The following ZFPM2 variants were observed in gnomAD, a reference collection of about 807,000 sequenced individuals.
ZFPM2 encodes the protein zinc finger protein ZFPM2.
A neutral mutation model predicts 98.6 loss-of-function variants in ZFPM2; 20 were observed. The ratio of observed to expected loss-of-function variants is 0.20; its 90% confidence interval spans 0.14 to 0.29. The LOEUF (loss-of-function observed/expected upper bound fraction) is 0.29. Ranked by LOEUF, ZFPM2 falls within the 10% of genes least tolerant of loss-of-function variation. The pLI is 1.00. For missense variants in ZFPM2, 1,310 were observed against 1,388.6 expected, an observed-to-expected ratio of 0.94 and a Z score of 0.90; for synonymous variants, 518 against 502.7, an observed-to-expected ratio of 1.03 and a Z score of -0.41.
chr8:105,522,976 A>G (rs1371820326), intron 3 of ZFPM2, among the ~76,000 whole-genome samples: 1 of 152,066 alleles, frequency 6.6e-6, no homozygotes, highest in Non-Finnish European at 1.5e-5. Context: ...AGTAAATTTG[A>G]TGAGTGGAAA....
chr8:105,499,695 T>C (rs1813550009), intron 3 of ZFPM2, among the ~76,000 whole-genome samples: 1 of 151,906 alleles, frequency 6.6e-6, no homozygotes, highest in South Asian at 2.1e-4. Flanking sequence ...TTTTTTCAAC[T>C]CCTCACACCC....
At chr8:105,550,970 G>C (rs1179152135) in intron 3 of ZFPM2, among the ~76,000 whole-genome samples, 1 of 152,128 alleles carries the variant, frequency 6.6e-6, no homozygotes, top group Non-Finnish European at 1.5e-5. Context: ...GTTAATCAGA[G>C]ACTCCAGAAT....
intron 1 of ZFPM2, among the ~76,000 whole-genome samples, chr8:105,369,647 G>A (rs1055689880): frequency 1.3e-5 from 2 of 152,150 alleles, no homozygotes; most frequent in African/African-American, 4.8e-5. Flanking sequence ...TGTTCTGTCA[G>A]TATCAATTAT....
At chr8:105,490,342 T>C (rs1813333815) in intron 3 of ZFPM2, among the ~76,000 whole-genome samples, 1 of 152,234 alleles carries the variant, frequency 6.6e-6, no homozygotes, top group African/African-American at 2.4e-5. Context: ...GATGGTGTTA[T>C]CTTTTATAAA....
Position 105,759,580 on chromosome 8 carries a change from TTGTG to T in ZFPM2, c.533-29110_533-29107del, listed in dbSNP as rs5893760. 2.8e-3 allele frequency among the ~76,000 whole-genome samples: 418 copies of T among 146,934 alleles called. 1 individual carries two copies. Among genetic ancestry groups the T allele is most frequent in the African/African-American group, 5.0e-3 (200 of 40,282 alleles). On this transcript the variant is annotated intron_variant, in intron 5 of 7. Coordinates refer to ENST00000407775, the MANE Select transcript of ZFPM2 (RefSeq NM_012082.4). ...TGCATGGACTGTCTCTTGATAATCC[TTGTG>T]TGTGTGTGTGTGTGTGTGTGTGTGT... is the stretch of plus-strand genomic sequence containing the variant.
intron 5 of ZFPM2, among the ~76,000 whole-genome samples, chr8:105,715,602 C>T (rs1457987328): frequency 3.3e-5 from 5 of 151,682 alleles, no homozygotes; most frequent in South Asian, 4.2e-4. Context: ...CATTTTCTTT[C>T]GGCAGAGTCA....
intron 1 of ZFPM2, among the ~76,000 whole-genome samples, chr8:105,388,934 A>C (rs1303701273): frequency 6.6e-6 from 1 of 151,990 alleles, no homozygotes; most frequent in Non-Finnish European, 1.5e-5. Context: ...AGAGGTGTTG[A>C]TGGCCCTATG....
chr8:105,437,702 T>C (rs976677728), intron 2 of ZFPM2, among the ~76,000 whole-genome samples: 2 of 152,180 alleles, frequency 1.3e-5, no homozygotes, highest in Non-Finnish European at 2.9e-5. Flanking sequence ...TACCATAATC[T>C]TTTCCTATGG....
intron 4 of ZFPM2, among the ~76,000 whole-genome samples, chr8:105,597,683 G>C (rs1382074560): frequency 6.6e-6 from 1 of 151,930 alleles, no homozygotes; most frequent in Admixed American, 6.6e-5. Context: ...TCTTAATTTA[G>C]TAATAAAAAG....
intron 1 of ZFPM2, among the ~76,000 whole-genome samples, chr8:105,338,010 T>A (rs1812359683): frequency 6.6e-6 from 1 of 151,766 alleles, no homozygotes; most frequent in Non-Finnish European, 1.5e-5. Flanking sequence ...GGATGACTCA[T>A]GAAATATTTT....
At chr8:105,708,215 TATA>T (rs1811305822) in intron 5 of ZFPM2, among the ~76,000 whole-genome samples, 1 of 152,202 alleles carries the variant, frequency 6.6e-6, no homozygotes, top group Admixed American at 6.5e-5. Flanking sequence ...TCCATATTCT[TATA>T]ATAATTGGAG....
At chr8:105,495,774 T>G (rs753898040) in intron 3 of ZFPM2, among the ~76,000 whole-genome samples, 2 of 152,032 alleles carry the variant, frequency 1.3e-5, no homozygotes, top group East Asian at 1.9e-4. Context: ...ATGCTTGGAG[T>G]TTTAACTTAA....
At chr8:105,597,882 G>A (rs1563736591) in intron 4 of ZFPM2, among the ~76,000 whole-genome samples, 1 of 151,910 alleles carries the variant, frequency 6.6e-6, no homozygotes, top group South Asian at 2.1e-4. Context: ...CTATTAATTA[G>A]GATAAATATG....
chr8:105,686,087 TG>T (rs1385221072), intron 5 of ZFPM2, among the ~76,000 whole-genome samples: 1 of 152,110 alleles, frequency 6.6e-6, no homozygotes, highest in Non-Finnish European at 1.5e-5. Flanking sequence ...TAAACTTTAT[TG>T]AATTTCTATA....
chr8:105,701,824 A>G (rs1225526273), intron 5 of ZFPM2, among the ~76,000 whole-genome samples: 1 of 152,192 alleles, frequency 6.6e-6, no homozygotes, highest in African/African-American at 2.4e-5. Context: ...ATATTTTTTA[A>G]GCCAGGGGAA....
chr8:105,358,874 G>A (rs1488214592), intron 1 of ZFPM2, among the ~76,000 whole-genome samples: 1 of 152,144 alleles, frequency 6.6e-6, no homozygotes, highest in African/African-American at 2.4e-5. Context: ...AGAATCACTT[G>A]AACCCGGGAG....
chr8:105,483,992 C>A (rs552067461), intron 3 of ZFPM2, among the ~76,000 whole-genome samples: 1 of 152,108 alleles, frequency 6.6e-6, no homozygotes, highest in African/African-American at 2.4e-5. Flanking sequence ...CCTCAGCCTC[C>A]CAAGGTGCTG....
intron 1 of ZFPM2, among the ~76,000 whole-genome samples, chr8:105,356,448 TAGTC>T (rs1431757082): frequency 1.3e-5 from 2 of 152,208 alleles, no homozygotes; most frequent in Admixed American, 1.3e-4. Context: ...TCATTACACA[TAGTC>T]AGTGGATTCT....
intron 4 of ZFPM2, among the ~76,000 whole-genome samples, chr8:105,590,760 A>G (rs1001888950): frequency 4.2e-5 from 6 of 143,332 alleles, no homozygotes; most frequent in Admixed American, 3.5e-4. Flanking sequence ...ATACGTGCGC[A>G]CGCACACACA....
Sources: allele counts gnomAD v4.1 joint callset (sites outside exome capture counted in the v4.1 genomes callset), GRCh38; gene constraint gnomAD v4.1.1; transcripts MANE v1.5; gene names NCBI Gene and HGNC (gene_info 2026-07-23, HGNC 2026-07-21).